Variants in PIP4K2B observed in about 807,000 individuals in gnomAD.
PIP4K2B encodes the protein phosphatidylinositol-5-phosphate 4-kinase type 2 beta.
In PIP4K2B, 3 loss-of-function variants were observed where a neutral mutation model predicts 42.0. The ratio of observed to expected loss-of-function variants is 0.07; its 90% CI spans 0.03 to 0.18. PIP4K2B has a LOEUF of 0.18. Ranked by LOEUF, PIP4K2B falls within the 10% of genes least tolerant of loss-of-function variation. The pLI is 1.00. For synonymous variants in PIP4K2B, 204 were observed against 210.1 expected, an observed-to-expected ratio of 0.97 and a Z score of 0.25; for missense variants, 332 against 562.3, an observed-to-expected ratio of 0.59 and a Z score of 4.14.
At chr17:38,783,089 G>A (rs1395420260) in intron 3 of PIP4K2B, among the ~76,000 whole-genome samples, 1 of 150,188 alleles carries the variant, frequency 6.7e-6, no homozygotes, top group Non-Finnish European at 1.5e-5. Context: ...CAGCTACTCG[G>A]GAGGCTGAGG....
chr17:38,780,131 G>A (rs1302676350), intron 4 of PIP4K2B, among the ~76,000 whole-genome samples: 1 of 152,200 alleles, frequency 6.6e-6, no homozygotes, highest in Admixed American at 6.5e-5. Flanking sequence ...GGTTCCAGAT[G>A]AGTGGAGAGA....
intron 1 of PIP4K2B, among the ~76,000 whole-genome samples, chr17:38,787,425 T>C (rs1012219782): frequency 6.6e-6 from 1 of 152,228 alleles, no homozygotes; most frequent in Non-Finnish European, 1.5e-5. Context: ...ACCTCCTCCA[T>C]GAAGTTTTCC....
In PIP4K2B at chr17:38,768,239, G is replaced by A. The variant is rs1908809116; in HGVS notation, c.*1452C>T. The A allele has an allele frequency of 6.6e-6, 1 of 152,312 alleles. No homozygotes were observed. The highest frequency in any genetic ancestry group is 2.4e-5 in the African/African-American group (1 of 41,474). The allele number at this position is 152,312 out of a possible 1,614,324, so 9.4% of individuals were successfully genotyped here. A position where few individuals can be genotyped will look rare whatever the true frequency, so the allele number is the denominator to read the frequency against. ...GATGCAGGAATGTACCTCCCCCAAT[G>A]CAGAACAACAGAGCTGTTTCTCTCC... On this transcript the variant is annotated 3_prime_UTR_variant, in exon 10 of 10. Transcript: ENST00000619039.
intron 1 of PIP4K2B, among the ~76,000 whole-genome samples, chr17:38,797,261 C>T (rs557736267): frequency 6.6e-6 from 1 of 152,308 alleles, no homozygotes; most frequent in Non-Finnish European, 1.5e-5. Context: ...ACCTAACCAT[C>T]AGCTATTGAG....
chr17:38,771,127 C>A lies in PIP4K2B; in HGVS notation c.953G>T (p.Cys318Phe), dbSNP rs775603576. 1 of 1,614,106 alleles carries A rather than the reference C, an allele frequency of 6.2e-7. No homozygotes were observed. Among genetic ancestry groups the A allele is most frequent in the South Asian group, 1.1e-5 (1 of 91,080 alleles). The part of the protein sequence containing the change: ...ENDGVGGNLL[C>F]SYGTPPDSPG... ...GCTGTCCGGAGGTGTGCCATAGGAG[C>A]AGAGTAGGTTGCCACCCACCCCATC... is the stretch of plus-strand genomic sequence containing the variant. The change falls in exon 8 of 10, where the codon TGC becomes TTC. Residue 318 changes from cysteine to phenylalanine, a missense_variant. Around this residue, in one of 6 missense-constraint regions of PIP4K2B, gnomAD observed 63 missense variants for 71.6 expected, o/e 0.88. Transcript: ENST00000619039.
intron 9 of PIP4K2B, 98 bp downstream of exon 9, chr17:38,770,338 T>C (rs764488671): frequency 1.4e-6 from 1 of 735,074 alleles, no homozygotes; most frequent in Non-Finnish European, 2.5e-6. Flanking sequence ...AGTGTGTTCC[T>C]TGGAGCAGGA....
chr17:38,786,762 G>T, intron 2 of PIP4K2B, 61 bp downstream of exon 2: 2 of 1,053,542 alleles, frequency 1.9e-6, no homozygotes, highest in Non-Finnish European at 3.0e-6. Context: ...GGCTTCAGAA[G>T]CCTCTGACTT....
intron 1 of PIP4K2B, among the ~76,000 whole-genome samples, chr17:38,795,340 C>T (rs1910597493): frequency 1.3e-5 from 2 of 152,138 alleles, no homozygotes; most frequent in African/African-American, 4.8e-5. Flanking sequence ...GGGGATGTGG[C>T]TCATGCCTGC....
At chr17:38,775,718 C>T (rs554470856) in intron 7 of PIP4K2B, among the ~76,000 whole-genome samples, 49 of 152,026 alleles carry the variant, frequency 3.2e-4, no homozygotes, top group African/African-American at 1.2e-3. Context: ...ATTAGCTGGG[C>T]GTGGCAGCAC....
Position 38,789,465 on chromosome 17 carries a change from G to C in PIP4K2B, c.160-2545C>G, listed in dbSNP as rs186197005. On this transcript the variant is annotated intron_variant, in intron 1 of 9. Coordinates refer to ENST00000619039, the MANE Select transcript of PIP4K2B (RefSeq NM_003559.5). ...ACCTTAGTCCTGACTTAATGGACTG[G>C]GGGGAGGGGGCACAGCCTTGTGTCT... Among the ~76,000 whole-genome samples, 95 of 152,294 alleles carry C rather than the reference G, an allele frequency of 6.2e-4. 1 individual carries two copies. The highest frequency in any genetic ancestry group is 5.6e-3 in the Admixed American group (86 of 15,298).
chr17:38,789,789 G>GA (rs1342863870), intron 1 of PIP4K2B, among the ~76,000 whole-genome samples: 17 of 152,266 alleles, frequency 1.1e-4, no homozygotes, highest in African/African-American at 3.9e-4. Flanking sequence ...GGATGCTGGG[G>GA]GCAGGGTAGT....
chr17:38,776,005 T>C (rs1446319204), intron 7 of PIP4K2B: 1 of 443,412 alleles, frequency 2.3e-6, no homozygotes, highest in Admixed American at 2.5e-5. Context: ...TTTTTTGAGA[T>C]GGAGTTTCAT....
At chr17:38,797,118 G>A (rs1910693393) in intron 1 of PIP4K2B, among the ~76,000 whole-genome samples, 1 of 152,172 alleles carries the variant, frequency 6.6e-6, no homozygotes, top group Admixed American at 6.5e-5. Context: ...TATGTCCAGA[G>A]GCACGGATCT....
intron 3 of PIP4K2B, among the ~76,000 whole-genome samples, chr17:38,783,052 G>C (rs954788237): frequency 9.9e-5 from 15 of 151,728 alleles, no homozygotes; most frequent in Non-Finnish European, 1.9e-4. Flanking sequence ...AAAATTAGCC[G>C]GGTGTGGTGG....
chr17:38,769,809 G>A (rs1434920818), intron 9 of PIP4K2B, 38 bp from the exon 10 acceptor site: 1 of 1,609,962 alleles, frequency 6.2e-7, no homozygotes, highest in African/African-American at 1.3e-5. Context: ...TTGAGTTCCT[G>A]TGCCCCAATC....
In PIP4K2B at chr17:38,768,101, C is replaced by A. The variant is rs1360136306; in HGVS notation, c.*1590G>T. ...CAGGTTTGGAGGGAGCCACAGGAAA[C>A]CAATCTATTCATTCAAAATGGTTTC... On this transcript the variant is annotated 3_prime_UTR_variant, in exon 10 of 10. Coordinates refer to ENST00000619039, the MANE Select transcript of PIP4K2B (RefSeq NM_003559.5). The A allele has an allele frequency of 6.6e-6, 1 of 152,234 alleles. No homozygotes were observed. Among genetic ancestry groups the A allele is most frequent in the Non-Finnish European group, 1.5e-5 (1 of 68,060 alleles). The allele number at this position is 152,234 out of a possible 1,614,324, so 9.4% of individuals were successfully genotyped here. A position where few individuals can be genotyped will look rare whatever the true frequency, so the allele number is the denominator to read the frequency against.
rs1212811914 is a variant in PIP4K2B, at chr17:38,767,296, T to C, written c.*2395A>G. On this transcript the variant is annotated 3_prime_UTR_variant, in exon 10 of 10. Coordinates refer to ENST00000619039, the MANE Select transcript of PIP4K2B (RefSeq NM_003559.5). Reference sequence around the variant, plus strand: ...ACAAAAAGAAGAGAAAGGAAACTTGTATAAACCAAGATAAATAGCTTTTAA... The same window carrying C: ...ACAAAAAGAAGAGAAAGGAAACTTGCATAAACCAAGATAAATAGCTTTTAA... 1 of 152,098 alleles carries C rather than the reference T, an allele frequency of 6.6e-6. No homozygotes were observed. Among genetic ancestry groups the C allele is most frequent in the East Asian group, 1.9e-4 (1 of 5,190 alleles). The allele number at this position is 152,098 out of a possible 1,614,324, so 9.4% of individuals were successfully genotyped here.
chr17:38,767,657 G>C lies in PIP4K2B; in HGVS notation c.*2034C>G, dbSNP rs1022058701. ...CAGCAGACCAAATGCAGAGAAGCCG[G>C]TAGGAACCCGAGGCCACGGAGGCTG... On this transcript the variant is annotated 3_prime_UTR_variant, in exon 10 of 10. Transcript: ENST00000619039. The C allele has an allele frequency of 6.6e-6, 1 of 152,232 alleles. No individual in the cohort carries two copies. Among genetic ancestry groups the C allele is most frequent in the Admixed American group, 6.5e-5 (1 of 15,280 alleles). 9.4% of individuals were successfully genotyped at this position (152,232 alleles called of 1,614,324 possible).
At chr17:38,771,346 G>A in intron 7 of PIP4K2B, 74 bp from the exon 8 acceptor site, 7 of 1,525,942 alleles carry the variant, frequency 4.6e-6, no homozygotes, top group Admixed American at 1.7e-5. Flanking sequence ...TCCAGAAAGG[G>A]GGGAAAGGCA....
Sources: allele counts gnomAD v4.1 joint callset (sites outside exome capture counted in the v4.1 genomes callset), GRCh38; gene constraint gnomAD v4.1.1; regional missense constraint gnomAD v4.1.1; transcripts MANE v1.5; gene names NCBI Gene and HGNC (gene_info 2026-07-23, HGNC 2026-07-21).